The following RHPN2 variants were observed in gnomAD, a reference collection of about 807,000 sequenced individuals.
RHPN2 encodes the protein rhophilin-2.
In RHPN2, 40 loss-of-function variants were observed where a neutral mutation model predicts 79.0. The ratio of observed to expected loss-of-function variants is 0.51; its 90% confidence interval spans 0.39 to 0.66. The LOEUF is 0.66. Ranked by LOEUF, RHPN2 falls within the 30% of genes least tolerant of loss-of-function variation. The probability of loss-of-function intolerance (pLI) is 0.00; values close to 1 mark genes in which losing one functional copy is unlikely to be tolerated. For synonymous variants in RHPN2, 285 were observed against 363.5 expected (o/e 0.78, Z 2.46); for missense variants, 686 against 883.5 (o/e 0.78, Z 2.83).
chr19:33,019,878 G>T (rs1971909536), intron 4 of RHPN2, among the ~76,000 whole-genome samples: 1 of 152,076 alleles, frequency 6.6e-6, no homozygotes, highest in Non-Finnish European at 1.5e-5. Flanking sequence ...GCGCAAACTT[G>T]GGCCACCCTG....
In RHPN2 at chr19:32,999,780, G is replaced by A. The variant is rs1027237933; in HGVS notation, c.1106-75C>T. 7.7e-5 allele frequency: 120 copies of A among 1,565,368 alleles called. 3 individuals are homozygous for A. The highest frequency in any genetic ancestry group is 4.3e-4 in the South Asian group (38 of 89,224). ...ACCCACGTAGAGATTTCTCTACCAT[G>A]TCTCCAGCTTCCTTTTTTCTGCAGT... On this transcript the variant is annotated intron_variant, in intron 9 of 14. Coordinates refer to ENST00000254260, the MANE Select transcript of RHPN2 (RefSeq NM_033103.5).
At chr19:33,055,940 G>C (rs1210557329) in intron 1 of RHPN2, among the ~76,000 whole-genome samples, 2 of 151,926 alleles carry the variant, frequency 1.3e-5, no homozygotes, top group Admixed American at 1.3e-4. Flanking sequence ...TGGGGCATTA[G>C]CATTCCCAAA....
chr19:33,058,281 C>T (rs1427219011), intron 1 of RHPN2, among the ~76,000 whole-genome samples: 1 of 152,206 alleles, frequency 6.6e-6, no homozygotes, highest in Non-Finnish European at 1.5e-5. Flanking sequence ...GAACTGCTGC[C>T]AAAGAAACTG....
intron 2 of RHPN2, among the ~76,000 whole-genome samples, chr19:33,042,948 G>A (rs368489088): frequency 1.9e-4 from 29 of 151,868 alleles, no homozygotes; most frequent in Non-Finnish European, 1.2e-4. Context: ...GCACGGTGGC[G>A]GGCACCTGTA....
At chr19:33,011,925 G>A (rs542093695) in intron 5 of RHPN2, 122 bp from the exon 6 acceptor site, 43 of 1,269,506 alleles carry the variant, frequency 3.4e-5, no homozygotes, top group South Asian at 2.8e-4. Flanking sequence ...TGATGACCTC[G>A]CTACTGGCAT....
intron 1 of RHPN2, among the ~76,000 whole-genome samples, chr19:33,051,990 C>CAAA (rs1231161092): frequency 3.1e-4 from 25 of 81,040 alleles, no homozygotes; most frequent in Middle Eastern, 7.0e-3. Context: ...GACCCTGTCT[C>CAAA]AAAAAAAAAA....
Position 33,004,580 on chromosome 19 carries a change from T to TA in RHPN2, c.761-1581dup, listed in dbSNP as rs544010311. ...GGTTAAAATAGTACATTTTAAGTTATATATGTATATTTTAACACTATTTAT... is the reference window on the plus strand; with the variant it reads ...GGTTAAAATAGTACATTTTAAGTTATAATATGTATATTTTAACACTATTTAT... On this transcript the variant is annotated intron_variant, in intron 7 of 14. Transcript: ENST00000254260. Among the ~76,000 whole-genome samples the TA allele has an allele frequency of 3.3e-3, 508 of 152,204 alleles. 1 individual carries two copies. The highest frequency in any genetic ancestry group is 0.011 in the African/African-American group (472 of 41,534).
rs145193798 is a variant in RHPN2, at chr19:33,043,353, C to A, written c.185+896G>T. Among the ~76,000 whole-genome samples the A allele has an allele frequency of 5.9e-3, 899 of 152,090 alleles. 6 individuals are homozygous for A. The highest frequency in any genetic ancestry group is 0.021 in the African/African-American group (869 of 41,488). ...ATCACTTGAGGCCAGGCGTTCAAGACCAGGCTGGCCAACATGGTGAAACCC... is the reference window on the plus strand; with the variant it reads ...ATCACTTGAGGCCAGGCGTTCAAGAACAGGCTGGCCAACATGGTGAAACCC... On this transcript the variant is annotated intron_variant, in intron 2 of 14. Coordinates refer to ENST00000254260, the MANE Select transcript of RHPN2 (RefSeq NM_033103.5).
chr19:32,988,221 AAAC>A (rs1416284156), intron 14 of RHPN2, among the ~76,000 whole-genome samples: 2 of 137,820 alleles, frequency 1.5e-5, no homozygotes, highest in African/African-American at 3.1e-5. Context: ...ACAAAAAAAA[AAAC>A]AAAACAAACA....
intron 1 of RHPN2, among the ~76,000 whole-genome samples, chr19:33,060,508 G>C (rs1972270688): frequency 6.6e-6 from 1 of 152,076 alleles, no homozygotes; most frequent in Non-Finnish European, 1.5e-5. Flanking sequence ...GATTGAGGCT[G>C]TGTTTACACG....
intron 10 of RHPN2, among the ~76,000 whole-genome samples, chr19:32,998,504 G>A (rs534100137): frequency 2.6e-5 from 4 of 151,968 alleles, no homozygotes; most frequent in South Asian, 2.1e-4. Flanking sequence ...AATATTAGCC[G>A]GGCGTGGTGG....
In RHPN2 at chr19:33,026,754, AGT is replaced by A. The variant is rs1264124344; in HGVS notation, c.186-124_186-123del. 8 of 1,202,078 alleles carry A rather than the reference AGT, an allele frequency of 6.7e-6. No homozygotes were observed. In the East Asian group the frequency reaches 2.0e-4, roughly 30 times the overall value. 74.5% of individuals were successfully genotyped at this position (1,202,078 alleles called of 1,614,324 possible). On this transcript the variant is annotated intron_variant, in intron 2 of 14. Transcript: ENST00000254260. The stretch of plus-strand genomic sequence containing the variant: ...GCACAGCTTGCAGAGGAGGGCCAGG[AGT>A]GTCGGTTAAGGTATCCCAGGGACAC...
intron 14 of RHPN2, among the ~76,000 whole-genome samples, chr19:32,989,173 G>T (rs141590272): frequency 3.3e-5 from 5 of 152,076 alleles, no homozygotes; most frequent in African/African-American, 1.2e-4. Context: ...GCAATGGCGC[G>T]ATCTCCACTC....
At chr19:33,043,763 A>G (rs1376550756) in intron 2 of RHPN2, among the ~76,000 whole-genome samples, 1 of 152,200 alleles carries the variant, frequency 6.6e-6, no homozygotes, top group Non-Finnish European at 1.5e-5. Context: ...ACGAGAGCAT[A>G]CTAATGAGTG....
At chr19:32,992,987 G>A (rs187616572) in intron 12 of RHPN2, among the ~76,000 whole-genome samples, 4 of 152,034 alleles carry the variant, frequency 2.6e-5, no homozygotes. Context: ...ACATGGTGGT[G>A]TGTACCTGTA....
intron 2 of RHPN2, among the ~76,000 whole-genome samples, chr19:33,036,873 C>CG (rs1555713792): frequency 7.0e-6 from 1 of 143,228 alleles, no homozygotes; most frequent in African/African-American, 2.8e-5. Context: ...TGCCTGAGCC[C>CG]CCCCGCCACC....
intron 1 of RHPN2, among the ~76,000 whole-genome samples, chr19:33,056,259 T>G (rs189945375): frequency 3.3e-4 from 50 of 151,944 alleles, no homozygotes; most frequent in African/African-American, 1.2e-3. Flanking sequence ...ATTACAGGCA[T>G]GCACCACCAC....
chr19:32,993,872 T>C, intron 12 of RHPN2, 105 bp downstream of exon 12: 1 of 853,280 alleles, frequency 1.2e-6, no homozygotes, highest in East Asian at 2.5e-5. Flanking sequence ...GCCCCCCAGT[T>C]TGAGGCATTT....
intron 1 of RHPN2, among the ~76,000 whole-genome samples, chr19:33,061,851 A>G (rs1323449471): frequency 1.3e-5 from 2 of 151,738 alleles, no homozygotes; most frequent in African/African-American, 4.8e-5. Flanking sequence ...AATTTTTTAT[A>G]GAGCCAAGGT....
Sources: gnomAD v4.1 joint callset for allele counts (sites outside exome capture counted in the v4.1 genomes callset) on GRCh38, gnomAD v4.1.1 for gene constraint, MANE v1.5 for transcripts, NCBI Gene and HGNC (gene_info 2026-07-23, HGNC 2026-07-21) for gene names.